The following SGCD variants were observed in gnomAD, a reference collection of about 807,000 sequenced individuals.
SGCD encodes delta-sarcoglycan.
SGCD carries 18 observed loss-of-function variants against 36.6 expected under a neutral mutation model. The ratio of observed to expected loss-of-function variants is 0.49; its 90% CI spans 0.34 to 0.73. The LOEUF is 0.73. Ranked by LOEUF, SGCD falls within the 30% of genes least tolerant of loss-of-function variation. The probability of loss-of-function intolerance (pLI) is 0.01; values close to 1 mark genes in which losing one functional copy is unlikely to be tolerated. For missense variants in SGCD, 387 were observed against 346.7 expected, an observed-to-expected ratio of 1.12 and a Z score of -0.92; for synonymous variants, 133 against 130.6, an observed-to-expected ratio of 1.02 and a Z score of -0.12.
chr5:156,512,015 G>A (rs1756952076), intron 4 of SGCD, among the ~76,000 whole-genome samples: 1 of 152,030 alleles, frequency 6.6e-6, no homozygotes, highest in Admixed American at 6.6e-5. Context: ...CCAAGATGGT[G>A]CAACCCTGTC....
intron 1 of SGCD, among the ~76,000 whole-genome samples, chr5:156,069,152 C>G (rs1760446858): frequency 6.6e-6 from 1 of 152,080 alleles, no homozygotes; most frequent in Non-Finnish European, 1.5e-5. Context: ...TCAATTTTGG[C>G]TTTTGTTGCC....
chr5:156,321,638 A>G (rs1216557033), intron 3 of SGCD, among the ~76,000 whole-genome samples: 2 of 152,116 alleles, frequency 1.3e-5, no homozygotes, highest in Non-Finnish European at 2.9e-5. Context: ...TATAGGAGCC[A>G]AATAGGATCA....
rs544811020 is a variant in SGCD, at chr5:156,340,782, C to T, written c.4-3707C>T. Among the ~76,000 whole-genome samples the T allele has an allele frequency of 5.5e-4, 84 of 152,160 alleles. 4 individuals are homozygous for T. The South Asian group carries it at 0.015, about 28-fold the overall frequency. On this transcript the variant is annotated intron_variant, in intron 2 of 8. Coordinates refer to ENST00000337851, the MANE Select transcript of SGCD (RefSeq NM_000337.6). ...AATTCCCCGGGCAGTACATTTGTTC[C>T]GGGAAGGAATAAGAAGAATGATAGA...
chr5:156,188,670 C>A (rs533128567), intron 3 of SGCD, among the ~76,000 whole-genome samples: 1,901 of 135,050 alleles, frequency 0.014, 32 homozygotes, highest in African/African-American at 0.047. Context: ...CCCCAACCGC[C>A]CCCCCCGACA....
intron 7 of SGCD, among the ~76,000 whole-genome samples, chr5:156,733,741 C>A (rs550147915): frequency 6.6e-6 from 1 of 152,120 alleles, no homozygotes; most frequent in African/African-American, 2.4e-5. Flanking sequence ...TTATGTAATG[C>A]CCTTCTTTGT....
chr5:156,609,882 GT>G (rs1345434107), intron 6 of SGCD, among the ~76,000 whole-genome samples: 1 of 152,192 alleles, frequency 6.6e-6, no homozygotes, highest in Non-Finnish European at 1.5e-5. Context: ...TCGTGCCATG[GT>G]TTTCAGCTCC....
At chr5:156,030,603 C>G (rs1471300312) in intron 1 of SGCD, among the ~76,000 whole-genome samples, 1 of 152,098 alleles carries the variant, frequency 6.6e-6, no homozygotes, top group Non-Finnish European at 1.5e-5. Context: ...TTATAGCAGC[C>G]CTAGTAAACT....
intron 6 of SGCD, among the ~76,000 whole-genome samples, chr5:156,610,343 G>C (rs1761731242): frequency 6.6e-6 from 1 of 152,320 alleles, no homozygotes; most frequent in South Asian, 2.1e-4. Flanking sequence ...CAGCAGTGGA[G>C]GCTGCAGAAC....
chr5:156,130,139 C>G (rs1245787025), intron 3 of SGCD, among the ~76,000 whole-genome samples: 2 of 152,170 alleles, frequency 1.3e-5, no homozygotes, highest in African/African-American at 4.8e-5. Context: ...TCCCTGCAAC[C>G]TCACCAGCAT....
intron 7 of SGCD, among the ~76,000 whole-genome samples, chr5:156,720,238 A>G (rs1755427771): frequency 1.3e-5 from 2 of 152,232 alleles, no homozygotes; most frequent in Non-Finnish European, 2.9e-5. Context: ...GCAACAGGCC[A>G]TATAACTAAT....
chr5:155,844,470 G>A, the SGCD span, among the ~76,000 whole-genome samples: 1 of 124,072 alleles, frequency 8.1e-6, no homozygotes, highest in Non-Finnish European at 1.8e-5. Flanking sequence ...AAACAAGGCA[G>A]TTTATCACGT....
chr5:156,238,296 T>C (rs1765217291), intron 3 of SGCD, among the ~76,000 whole-genome samples: 1 of 152,232 alleles, frequency 6.6e-6, no homozygotes, highest in Non-Finnish European at 1.5e-5. Flanking sequence ...TATACTTTTG[T>C]TTTTATTCAA....
chr5:156,295,306 C>T lies in SGCD; in HGVS notation c.-43-34228C>T, dbSNP rs114099191. ...CTTTTTTATTTCTGTAGCATTTGTACGTACCACTTTTATTTTTATTTTAGA... is the reference window on the plus strand; with the variant it reads ...CTTTTTTATTTCTGTAGCATTTGTATGTACCACTTTTATTTTTATTTTAGA... On this transcript the variant is annotated intron_variant, in intron 3 of 9. Transcript: ENST00000517913. Among the ~76,000 whole-genome samples, 1,057 of 152,052 alleles carry T rather than the reference C, an allele frequency of 7.0e-3. 5 individuals are homozygous for T. Among genetic ancestry groups the T allele is most frequent in the African/African-American group, 0.019 (808 of 41,510 alleles).
chr5:156,246,128 G>A (rs997413033), intron 3 of SGCD, among the ~76,000 whole-genome samples: 10 of 152,182 alleles, frequency 6.6e-5, no homozygotes, highest in African/African-American at 2.4e-4. Context: ...GTCTGTAAGA[G>A]TGAGGATTAT....
intron 7 of SGCD, among the ~76,000 whole-genome samples, chr5:156,752,528 G>C (rs1161196965): frequency 6.6e-6 from 1 of 152,064 alleles, no homozygotes; most frequent in South Asian, 2.1e-4. Context: ...AAGTAGCTGG[G>C]ATTACAGGCA....
chr5:155,922,887 C>A (rs1756917144), intron 1 of SGCD, among the ~76,000 whole-genome samples: 1 of 152,164 alleles, frequency 6.6e-6, no homozygotes, highest in Non-Finnish European at 1.5e-5. Context: ...CCAATCAATG[C>A]CCACTGAAAA....
intron 3 of SGCD, among the ~76,000 whole-genome samples, chr5:156,374,415 C>G (rs1226282991): frequency 6.6e-6 from 1 of 152,150 alleles, no homozygotes; most frequent in Non-Finnish European, 1.5e-5. Context: ...GTCAGCTTCA[C>G]ATGGGAGCAA....
At chr5:156,374,830 G>A (rs146341975) in intron 3 of SGCD, among the ~76,000 whole-genome samples, 121 of 152,168 alleles carry the variant, frequency 8.0e-4, no homozygotes, top group African/African-American at 2.2e-3. Flanking sequence ...CACTCCAGCC[G>A]TGGTGTGAGG....
intron 3 of SGCD, among the ~76,000 whole-genome samples, chr5:156,462,657 T>A (rs774725715): frequency 1.3e-5 from 2 of 152,188 alleles, no homozygotes; most frequent in Non-Finnish European, 2.9e-5. Flanking sequence ...AGGAAAGTAT[T>A]CTTTTATGAA....
Sources: gnomAD v4.1 joint callset for allele counts (sites outside exome capture counted in the v4.1 genomes callset) on GRCh38, gnomAD v4.1.1 for gene constraint, MANE v1.5 for transcripts, NCBI Gene and HGNC (gene_info 2026-07-23, HGNC 2026-07-21) for gene names.